Variants in CSF2RA observed in about 807,000 individuals in gnomAD.
The protein encoded by CSF2RA is granulocyte-macrophage colony-stimulating factor receptor subunit alpha.
CSF2RA carries 42 observed loss-of-function variants against 51.6 expected under a neutral mutation model. The observed-to-expected ratio is 0.81, with a 90% CI of 0.64 to 1.05. The LOEUF (loss-of-function observed/expected upper bound fraction) is 1.05, where lower values mean the gene tolerates loss of function less well. Ranked by LOEUF, CSF2RA falls within the 50% of genes least tolerant of loss-of-function variation. The pLI is 0.00. For missense variants in CSF2RA, 530 were observed against 501.1 expected (o/e 1.06, Z -0.55); for synonymous variants, 222 against 193.0 (o/e 1.15, Z -1.24).
At chrX:1,314,837 G>T (rs1217691697), downstream of CSF2RA, among the ~76,000 whole-genome samples, 1 of 102,894 alleles carries the variant, frequency 9.7e-6, no homozygotes, top group African/African-American at 3.6e-5. Context: ...CAACCGCACT[G>T]CACCTGCCCA....
chrX:1,288,096 G>A lies in CSF2RA; in HGVS notation c.220-423G>A, dbSNP rs188450728. Among the ~76,000 whole-genome samples, 992 of 152,100 alleles carry A rather than the reference G, an allele frequency of 6.5e-3. 14 individuals carry two copies. The highest frequency in any genetic ancestry group is 0.033 in the Admixed American group (509 of 15,242). ...AGATTGAGTTTTCACCTGCAAGCTG[G>A]TATTCAGCGTATCCACTCAGAGCCC... is the stretch of plus-strand genomic sequence containing the variant. On this transcript the variant is annotated intron_variant, in intron 4 of 12. Transcript: ENST00000381529.
chrX:1,318,144 A>G, the CSF2RA span, among the ~76,000 whole-genome samples: 1 of 142,868 alleles, frequency 7.0e-6, no homozygotes, highest in South Asian at 2.3e-4. Context: ...ACCCGCCACC[A>G]CGCCCGGCTA....
chrX:1,303,677 A>G (rs761125303), intron 10 of CSF2RA, among the ~76,000 whole-genome samples: 1 of 152,272 alleles, frequency 6.6e-6, no homozygotes, highest in East Asian at 1.9e-4. Context: ...CATCCGGCCC[A>G]TGGTGGCAAA....
chrX:1,272,659 C>T (rs2088592933), intron 1 of CSF2RA, among the ~76,000 whole-genome samples: 1 of 149,450 alleles, frequency 6.7e-6, no homozygotes. Context: ...AGCTAATTTT[C>T]TTTGTATTTT....
At chrX:1,304,204 C>G (rs1336698301) in intron 11 of CSF2RA, among the ~76,000 whole-genome samples, 185 bp downstream of exon 11, 1 of 76,066 alleles carries the variant, frequency 1.3e-5, no homozygotes, top group African/African-American at 6.6e-5. Context: ...GTCAGGAGAT[C>G]GAGACCATCC....
the CSF2RA span, among the ~76,000 whole-genome samples, chrX:1,317,883 G>A: frequency 3.3e-5 from 5 of 150,784 alleles, no homozygotes; most frequent in Non-Finnish European, 7.4e-5. Context: ...CTTGGCTCAC[G>A]GCAGCCTCAA....
chrX:1,305,952 T>G, intron 12 of CSF2RA: 3 of 651,544 alleles, frequency 4.6e-6, no homozygotes, highest in Admixed American at 5.5e-5. Context: ...TGTGGTGGTG[T>G]ACGCCTGAAA....
At chrX:1,320,599 G>A in the CSF2RA span, among the ~76,000 whole-genome samples, 5 of 149,408 alleles carry the variant, frequency 3.3e-5, no homozygotes, top group African/African-American at 1.2e-4. Flanking sequence ...CAGGGTTCAA[G>A]CGATTCCCCT....
chrX:1,287,791 C>T (rs1487189536), intron 4 of CSF2RA, among the ~76,000 whole-genome samples: 1 of 135,366 alleles, frequency 7.4e-6, no homozygotes, highest in African/African-American at 2.8e-5. Flanking sequence ...GGCTGGAGTG[C>T]ACTGGCGTGA....
At chrX:1,319,855 C>T in the CSF2RA span, among the ~76,000 whole-genome samples, 1 of 149,150 alleles carries the variant, frequency 6.7e-6, no homozygotes, top group Non-Finnish European at 1.5e-5. Flanking sequence ...GCTGGGATTA[C>T]AGGCACGTGC....
the CSF2RA span, among the ~76,000 whole-genome samples, chrX:1,321,718 A>G: frequency 6.6e-6 from 1 of 152,174 alleles, no homozygotes. Context: ...TGTGTATTGT[A>G]GGCACTGTCA....
At position 1,309,423 on chromosome X, in the gene CSF2RA, C is replaced by T. The variant is rs2084017655; in HGVS notation, c.1147C>T (p.Pro383Ser). 3 of 1,613,792 alleles carry T rather than the reference C, an allele frequency of 1.9e-6. No individual in the cohort carries two copies. The South Asian group carries it at 3.3e-5, about 18-fold the overall frequency. ...TCAGATCATCTGGGAGGAATTCACC[C>T]CAGAGGAAGGGAAAGGCTACCGCGA... ...EDEIIWEEFTPEEGKGYREEV... is the reference protein window; with the variant it reads ...EDEIIWEEFTSEEGKGYREEV... Residue 383 changes from proline to serine, a missense_variant, in exon 13 of 13, where the codon CCA (proline) becomes TCA (serine). Transcript: ENST00000381529.
rs2091274072 is a variant in CSF2RA at position 1,290,238 on chromosome X, TTTTTGTGTTTTG to T, written c.474-88_474-77del. ...TTGTTTTGTGTTTTTGTGTTTTGTG[TTTTTGTGTTTTG>T]TTTTGTGTTTGTTTTTGTTTTGTTT... is the stretch of plus-strand genomic sequence containing the variant. On this transcript the variant is annotated intron_variant, in intron 6 of 12. Coordinates refer to ENST00000381529, the MANE Select transcript of CSF2RA (RefSeq NM_172245.4). The T allele has an allele frequency of 7.0e-6, 7 of 1,003,822 alleles. No individual in the cohort carries two copies. In the Middle Eastern group the frequency reaches 6.9e-4, roughly 99 times the overall value. 62.2% of individuals were successfully genotyped at this position (1,003,822 alleles called of 1,614,324 possible).
rs1405608414 is a variant in CSF2RA at position 1,283,478 on chromosome X, CTCTCTCTCTTTCTT to C, written c.76+703_76+716del. 6.8e-4 allele frequency among the ~76,000 whole-genome samples: 57 copies of C among 83,812 alleles called. No individual in the cohort carries two copies. In the South Asian group the frequency reaches 9.0e-3, roughly 13 times the overall value. 55.0% of individuals were successfully genotyped at this position (83,812 alleles called of 152,430 possible). On this transcript the variant is annotated intron_variant, in intron 3 of 12. Coordinates refer to ENST00000381529, the MANE Select transcript of CSF2RA (RefSeq NM_172245.4). ...CTTCCTTCCCTCCCTCCCTCCCTCT[CTCTCTCTCTTTCTT>C]TCTTTCTTTCTCCTTTTTTTTTCTC...
At chrX:1,271,330 G>GT (rs2088379294) in intron 1 of CSF2RA, among the ~76,000 whole-genome samples, 1 of 21,854 alleles carries the variant, frequency 4.6e-5, no homozygotes, top group Non-Finnish European at 9.8e-5. Flanking sequence ...GCTAATTTTT[G>GT]TATTTTTTTT....
At chrX:1,317,157 C>G in the CSF2RA span, among the ~76,000 whole-genome samples, 20 of 150,416 alleles carry the variant, frequency 1.3e-4, no homozygotes, top group Non-Finnish European at 2.5e-4. Context: ...ACCATGTTAG[C>G]CAGGATGGTC....
Position 1,270,792 on chromosome X carries a change from G to C in CSF2RA, c.-91+1913G>C, listed in dbSNP as rs371258501. The stretch of plus-strand genomic sequence containing the variant: ...TAAGCTGGGCGTGGTGTAATCCCAG[G>C]ACTTTGGGAGGCTGAGGTGGGCGGA... On this transcript the variant is annotated intron_variant, in intron 1 of 12. Transcript: ENST00000381529. Among the ~76,000 whole-genome samples, 4 of 150,488 alleles carry C rather than the reference G, an allele frequency of 2.7e-5. No individual in the cohort carries two copies. The East Asian group carries it at 7.9e-4, about 30-fold the overall frequency.
chrX:1,302,219 G>A (rs2083060662), intron 10 of CSF2RA, among the ~76,000 whole-genome samples: 1 of 152,144 alleles, frequency 6.6e-6, no homozygotes, highest in South Asian at 2.1e-4. Flanking sequence ...CCCGTCCGGG[G>A]AAGCTCTCTT....
At chrX:1,293,760 G>A (rs773510385) in intron 7 of CSF2RA, among the ~76,000 whole-genome samples, 1 of 150,684 alleles carries the variant, frequency 6.6e-6, no homozygotes, top group Non-Finnish European at 1.5e-5. Context: ...CATCCACCTG[G>A]ACCGAGTGTA....
Sources: allele counts gnomAD v4.1 joint callset (sites outside exome capture counted in the v4.1 genomes callset), GRCh38; gene constraint gnomAD v4.1.1; transcripts MANE v1.5; gene names NCBI Gene and HGNC (gene_info 2026-07-23, HGNC 2026-07-21).